Variants in SYNE2 observed in about 807,000 individuals in gnomAD.
SYNE2 encodes the protein nesprin-2.
Under a neutral mutation model 856.3 loss-of-function variants are expected in SYNE2, and 431 were observed. That is an observed-to-expected ratio of 0.50 (90% CI 0.47 to 0.55). The LOEUF is 0.55. SYNE2 is among the 20% of genes least tolerant of loss of function. SYNE2 has a pLI of 0.00. For synonymous variants in SYNE2, 2,923 were observed against 2,872.3 expected (o/e 1.02, Z -0.56); for missense variants, 8,129 against 8,023.2 (o/e 1.01, Z -0.50).
intron 2 of SYNE2, among the ~76,000 whole-genome samples, chr14:63,937,091 C>G (rs971452888): frequency 6.6e-6 from 1 of 151,998 alleles, no homozygotes; most frequent in African/African-American, 2.4e-5. Context: ...GAGAATAGAC[C>G]ATTGGTTTTC....
chr14:63,775,694 C>T (rs908387296), intron 1 of SYNE2, among the ~76,000 whole-genome samples: 2 of 152,182 alleles, frequency 1.3e-5, no homozygotes, highest in Non-Finnish European at 2.9e-5. Flanking sequence ...GATCCTCCCG[C>T]CTCAGCCTCC....
At chr14:63,775,203 T>G (rs1237519599) in intron 1 of SYNE2, among the ~76,000 whole-genome samples, 4 of 152,150 alleles carry the variant, frequency 2.6e-5, no homozygotes, top group Non-Finnish European at 5.9e-5. Context: ...CTCAAACTCC[T>G]GACCTTGGGT....
chr14:63,835,766 C>T (rs1181177793), intron 1 of SYNE2, among the ~76,000 whole-genome samples: 1 of 151,948 alleles, frequency 6.6e-6, no homozygotes. Flanking sequence ...GGCAGATCAC[C>T]TGAGGTCACA....
In SYNE2 at chr14:64,126,470, G is replaced by A. The variant is rs2097946386; in HGVS notation, c.13698G>A (p.Val4566=). ...LYREDGSGQQ[V]HYETLALELK... Reference sequence around the variant, plus strand: ...GGGAGGATGGTTCTGGCCAGCAGGTGCACTACGAGGTAGGGCACTTCTCAC... The same window carrying A: ...GGGAGGATGGTTCTGGCCAGCAGGTACACTACGAGGTAGGGCACTTCTCAC... The change falls in exon 72 of 116, where the codon GTG becomes GTA. Residue 4566 remains valine, a synonymous_variant. Transcript: ENST00000555002. 1.9e-6 allele frequency: 3 copies of A among 1,614,118 alleles called. No homozygotes were observed. The highest frequency in any genetic ancestry group is 1.3e-5 in the African/African-American group (1 of 75,040).
In SYNE2 at chr14:63,860,339, A is replaced by G. The variant is rs537065953; in HGVS notation, c.-52+7196A>G. 3.3e-5 allele frequency among the ~76,000 whole-genome samples: 5 copies of G among 152,260 alleles called. No homozygotes were observed. In the East Asian group the frequency reaches 9.6e-4, roughly 29 times the overall value. The stretch of plus-strand genomic sequence containing the variant: ...CCTCCTTTTCTTTCCTCTGGGCTGC[A>G]TTAGGAGGAGGGAGGTGAATGGGGA... On this transcript the variant is annotated intron_variant, in intron 1 of 115. Coordinates refer to ENST00000555002, the MANE Select transcript of SYNE2 (RefSeq NM_182914.3).
intron 1 of SYNE2, among the ~76,000 whole-genome samples, chr14:63,892,365 C>G (rs1208382777): frequency 6.6e-6 from 1 of 151,836 alleles, no homozygotes; most frequent in African/African-American, 2.4e-5. Context: ...TTCCTCCATT[C>G]CCCCCAACCT....
At chr14:64,085,039 AGAGT>A in intron 57 of SYNE2, 2 of 701,920 alleles carry the variant, frequency 2.8e-6, no homozygotes, top group East Asian at 2.7e-5. Flanking sequence ...AATCTCCAAG[AGAGT>A]GAGAGAGAGC....
At chr14:63,761,713 G>A (rs931915401), upstream of SYNE2, among the ~76,000 whole-genome samples, 3 of 152,162 alleles carry the variant, frequency 2.0e-5, no homozygotes, top group African/African-American at 7.2e-5. Flanking sequence ...CCTGCTTCTG[G>A]AGAAAAAAGG....
rs780243927 is a variant in SYNE2 at position 63,950,010 on chromosome 14, A to G, written c.590+4A>G. On this transcript the variant is annotated splice_donor_region_variant and intron_variant, in intron 7 of 115. Coordinates refer to ENST00000555002, the MANE Select transcript of SYNE2 (RefSeq NM_182914.3). ...GGGCTCAGGAACAATGCGCCACGTA[A>G]GTAGTTTGCTATGACCCTAAGAGAC... 2.5e-6 allele frequency: 4 copies of G among 1,614,070 alleles called. No individual in the cohort carries two copies. The South Asian group carries it at 4.4e-5, about 18-fold the overall frequency.
chr14:63,982,482 T>C (rs1313570621), intron 16 of SYNE2, 148 bp from the exon 17 acceptor site: 6 of 702,948 alleles, frequency 8.5e-6, no homozygotes, highest in Non-Finnish European at 1.4e-5. Flanking sequence ...ATTGCGCCAC[T>C]GCACTCCAGC....
At position 64,202,822 on chromosome 14, in the gene SYNE2, C is replaced by T. The variant is rs755808708; in HGVS notation, c.18060C>T (p.Thr6020=). ...IGSRVKKLKE[T]FAFIQQLDKN... is the part of the protein sequence containing the mutation. ...GTAGGGTGAAGAAGCTGAAGGAGAC[C>T]TTTGCTTTTATTCAGCAGTTGGACA... The change falls in exon 100 of 116, where the codon ACC becomes ACT. Residue 6020 remains threonine, a synonymous_variant. Transcript: ENST00000555002. 1 of 1,613,992 alleles carries T rather than the reference C, an allele frequency of 6.2e-7. No individual in the cohort carries two copies. Among genetic ancestry groups the T allele is most frequent in the South Asian group, 1.1e-5 (1 of 91,074 alleles).
intron 83 of SYNE2, among the ~76,000 whole-genome samples, chr14:64,145,294 T>C (rs1012351386): frequency 2.0e-5 from 3 of 151,752 alleles, no homozygotes; most frequent in South Asian, 2.1e-4. Flanking sequence ...TCCCAGCACT[T>C]TGGGAGGCCG....
At chr14:64,134,699 G>A (rs751235856) in intron 78 of SYNE2, among the ~76,000 whole-genome samples, 12 of 152,068 alleles carry the variant, frequency 7.9e-5, no homozygotes, top group Non-Finnish European at 1.6e-4. Flanking sequence ...ATCTCAGGCC[G>A]GACACGATGG....
At chr14:63,811,203 T>C (rs1157574299) in intron 1 of SYNE2, among the ~76,000 whole-genome samples, 1 of 152,128 alleles carries the variant, frequency 6.6e-6, no homozygotes, top group Non-Finnish European at 1.5e-5. Context: ...TCTGTTCTCC[T>C]CGTAACAAGA....
intron 1 of SYNE2, among the ~76,000 whole-genome samples, chr14:63,800,234 T>C (rs1227645650): frequency 6.6e-6 from 1 of 152,088 alleles, no homozygotes; most frequent in Non-Finnish European, 1.5e-5. Flanking sequence ...TTTTTTGGTT[T>C]TTTTTTTGAG....
chr14:64,003,450 A>T, intron 30 of SYNE2, 120 bp downstream of exon 30: 6 of 1,293,616 alleles, frequency 4.6e-6, no homozygotes, highest in Non-Finnish European at 6.7e-6. Context: ...CACTCTATTC[A>T]GTGTTCAGCA....
At chr14:63,977,583 T>G (rs2096554310) in intron 12 of SYNE2, among the ~76,000 whole-genome samples, 2 of 152,096 alleles carry the variant, frequency 1.3e-5, no homozygotes, top group African/African-American at 4.8e-5. Context: ...AGACCCCACC[T>G]CTACAGAAAT....
rs1207621315 is a variant in SYNE2 at position 63,831,275 on chromosome 14, C to G, written c.-304-21226C>G. On this transcript the variant is annotated intron_variant, in intron 1 of 23. Coordinates refer to the SYNE2 transcript ENST00000674003. ...CATATCTGAATTTTGTTTGTGTTGT[C>G]TTCACATATGAAGTGACACCTTGAC... Among the ~76,000 whole-genome samples, 3 of 152,056 alleles carry G rather than the reference C, an allele frequency of 2.0e-5. No homozygotes were observed. In the East Asian group the frequency reaches 5.8e-4, roughly 29 times the overall value.
chr14:63,873,128 C>A (rs185779694), intron 1 of SYNE2, among the ~76,000 whole-genome samples: 152 of 152,290 alleles, frequency 1.0e-3, no homozygotes, highest in Non-Finnish European at 1.7e-3. Flanking sequence ...CACATAATGA[C>A]AGCTTTGCCT....
Sources: allele counts gnomAD v4.1 joint callset (sites outside exome capture counted in the v4.1 genomes callset), GRCh38; gene constraint gnomAD v4.1.1; transcripts MANE v1.5; gene names NCBI Gene and HGNC (gene_info 2026-07-23, HGNC 2026-07-21).